The following GRIP1 variants were observed in gnomAD, a reference collection of about 807,000 sequenced individuals.
GRIP1 encodes the protein glutamate receptor-interacting protein 1.
A neutral mutation model predicts 129.9 loss-of-function variants in GRIP1; 45 were observed. That is an observed-to-expected ratio of 0.35 (90% CI 0.27 to 0.44). The LOEUF (loss-of-function observed/expected upper bound fraction) is 0.44, where lower values mean the gene tolerates loss of function less well. Among genes scored for constraint, GRIP1 ranks in the 20% least tolerant of loss-of-function variants. The pLI, the probability that GRIP1 is intolerant of heterozygous loss-of-function variation, is 1.00. For synonymous variants in GRIP1, 530 were observed against 520.8 expected (o/e 1.02, Z -0.24); for missense variants, 1,196 against 1,396.8 (o/e 0.86, Z 2.29).
intron 1 of GRIP1, among the ~76,000 whole-genome samples, chr12:66,952,145 A>C (rs2041768394): frequency 6.6e-6 from 1 of 152,078 alleles, no homozygotes; most frequent in African/African-American, 2.4e-5. Context: ...GAAAAGAAAG[A>C]AGCAACGGGA....
At position 66,955,897 on chromosome 12, in the gene GRIP1, A is replaced by T. The variant is rs114325137; in HGVS notation, c.58+113153T>A. Among the ~76,000 whole-genome samples the T allele has an allele frequency of 3.3e-3, 509 of 152,374 alleles. 3 individuals are homozygous for T. Among genetic ancestry groups the T allele is most frequent in the African/African-American group, 0.011 (462 of 41,600 alleles). On this transcript the variant is annotated intron_variant, in intron 1 of 1. Transcript: ENST00000643019. ...ATATTACCTGTTTTATTCATTGAGT[A>T]TTCTTAGCACACAGAAGAGCTTTCG...
chr12:66,423,532 C>T (rs1424285773), intron 14 of GRIP1, among the ~76,000 whole-genome samples: 1 of 152,200 alleles, frequency 6.6e-6, no homozygotes, highest in Non-Finnish European at 1.5e-5. Flanking sequence ...AATACACTAG[C>T]ATTCACTGAG....
At chr12:66,963,961 G>A (rs1473671186) in intron 1 of GRIP1, among the ~76,000 whole-genome samples, 1 of 152,068 alleles carries the variant, frequency 6.6e-6, no homozygotes, top group East Asian at 1.9e-4. Flanking sequence ...CAGGAACCTG[G>A]GAGTGACCAT....
intron 1 of GRIP1, among the ~76,000 whole-genome samples, chr12:66,886,045 T>C (rs1267138438): frequency 6.6e-6 from 1 of 152,136 alleles, no homozygotes. Flanking sequence ...GGTGGATCAC[T>C]TGAGGTCAGG....
At chr12:66,962,819 G>C (rs1486031020) in intron 1 of GRIP1, among the ~76,000 whole-genome samples, 1 of 151,822 alleles carries the variant, frequency 6.6e-6, no homozygotes, top group African/African-American at 2.4e-5. Context: ...GCAATACATA[G>C]GTATATTAAT....
intron 1 of GRIP1, among the ~76,000 whole-genome samples, chr12:66,935,951 CA>C (rs891623859): frequency 6.6e-6 from 1 of 152,126 alleles, no homozygotes; most frequent in Non-Finnish European, 1.5e-5. Context: ...CACAAGGATT[CA>C]AATATAGAAG....
chr12:66,494,154 G>A (rs1436957712), intron 7 of GRIP1, among the ~76,000 whole-genome samples: 1 of 152,018 alleles, frequency 6.6e-6, no homozygotes, highest in Non-Finnish European at 1.5e-5. Flanking sequence ...AACTCTCTTA[G>A]GTGCTTAACA....
At chr12:66,704,021 A>G (rs1282127591) in intron 1 of GRIP1, among the ~76,000 whole-genome samples, 1 of 152,110 alleles carries the variant, frequency 6.6e-6, no homozygotes, top group Non-Finnish European at 1.5e-5. Flanking sequence ...GTGTCAATAA[A>G]AAAGAATAGA....
chr12:67,035,504 C>T (rs2043082241), intron 1 of GRIP1: 1 of 152,090 alleles, frequency 6.6e-6, no homozygotes, highest in Non-Finnish European at 1.5e-5. Context: ...TGCAAATGTA[C>T]CCTGAGGTAT....
chr12:66,463,867 T>C (rs2059206749), intron 8 of GRIP1, among the ~76,000 whole-genome samples: 1 of 152,122 alleles, frequency 6.6e-6, no homozygotes, highest in Non-Finnish European at 1.5e-5. Context: ...CTTAAACTGG[T>C]TACCCCCTGT....
At chr12:66,395,156 T>C (rs1171811675) in intron 16 of GRIP1, among the ~76,000 whole-genome samples, 1 of 152,208 alleles carries the variant, frequency 6.6e-6, no homozygotes, top group Non-Finnish European at 1.5e-5. Flanking sequence ...CAGAAAGATA[T>C]CATGGGCCGC....
chr12:66,410,878 A>G (rs1486447089), intron 15 of GRIP1, among the ~76,000 whole-genome samples: 1 of 152,224 alleles, frequency 6.6e-6, no homozygotes, highest in Non-Finnish European at 1.5e-5. Context: ...GAATTTCAGC[A>G]ACTACAAATG....
At chr12:66,646,105 C>A (rs1430060121) in intron 1 of GRIP1, among the ~76,000 whole-genome samples, 2 of 152,016 alleles carry the variant, frequency 1.3e-5, no homozygotes, top group Non-Finnish European at 2.9e-5. Context: ...TCAAGAAATT[C>A]TAAACACAAA....
rs78566517 is a variant in GRIP1 at position 67,068,007 on chromosome 12, C to T, written c.58+1043G>A. Among the ~76,000 whole-genome samples the T allele has an allele frequency of 5.5e-3, 838 of 152,260 alleles. 3 individuals are homozygous for T. Among genetic ancestry groups the T allele is most frequent in the African/African-American group, 0.019 (792 of 41,552 alleles). ...ACAGGACAGGACAGGATAGAAGAAG[C>T]AAAGGGATAAACCCTGGTGGACCTT... On this transcript the variant is annotated intron_variant, in intron 1 of 1. Coordinates refer to the GRIP1 transcript ENST00000643019.
chr12:66,723,222 CTT>C (rs1335546901), intron 1 of GRIP1, among the ~76,000 whole-genome samples: 5 of 47,988 alleles, frequency 1.0e-4, no homozygotes, highest in South Asian at 1.7e-3. Context: ...TTCTTTCTTT[CTT>C]TCTCTCTCTC....
At chr12:66,374,764 A>G (rs2055704495) in intron 22 of GRIP1, among the ~76,000 whole-genome samples, 1 of 152,190 alleles carries the variant, frequency 6.6e-6, no homozygotes, top group Non-Finnish European at 1.5e-5. Context: ...GAAATAAGAT[A>G]CTATCACTAA....
intron 1 of GRIP1, among the ~76,000 whole-genome samples, chr12:66,760,540 C>T (rs1194784612): frequency 2.6e-5 from 4 of 152,164 alleles, no homozygotes; most frequent in Admixed American, 2.0e-4. Context: ...CATCAGATCT[C>T]ATGAGACTTA....
chr12:66,695,539 A>G (rs1190878744), intron 1 of GRIP1, among the ~76,000 whole-genome samples: 1 of 152,200 alleles, frequency 6.6e-6, no homozygotes, highest in East Asian at 1.9e-4. Context: ...TAAATCTGAA[A>G]GCCCTTGCTA....
chr12:66,720,621 T>G (rs1173906305), intron 1 of GRIP1, among the ~76,000 whole-genome samples: 1 of 152,192 alleles, frequency 6.6e-6, no homozygotes, highest in African/African-American at 2.4e-5. Flanking sequence ...TTCAACAATG[T>G]TCACAGCATT....
Sources: gnomAD v4.1 joint callset for allele counts (sites outside exome capture counted in the v4.1 genomes callset) on GRCh38, gnomAD v4.1.1 for gene constraint, MANE v1.5 for transcripts, NCBI Gene and HGNC (gene_info 2026-07-23, HGNC 2026-07-21) for gene names.